SVOPL: variants seen among roughly 807,000 people sequenced by gnomAD.
SVOPL encodes the protein SVOP like.
In SVOPL, 60 loss-of-function variants were observed where a neutral mutation model predicts 61.0. That is an observed-to-expected ratio of 0.98 (90% confidence interval 0.80 to 1.22). The LOEUF is 1.22. Among genes scored for constraint, SVOPL ranks in the 50% most tolerant of loss-of-function variants. The pLI, the probability that SVOPL is intolerant of heterozygous loss-of-function variation, is 0.00. For missense variants in SVOPL, 662 were observed against 643.9 expected, an observed-to-expected ratio of 1.03 and a Z score of -0.30; for synonymous variants, 279 against 250.0, an observed-to-expected ratio of 1.12 and a Z score of -1.09.
intron 14 of SVOPL, among the ~76,000 whole-genome samples, chr7:138,597,632 T>A (rs1798332147): frequency 8.1e-6 from 1 of 123,766 alleles, no homozygotes; most frequent in Non-Finnish European, 1.8e-5. Context: ...GGAGTTTGTA[T>A]AACGTCTGCG....
intron 1 of SVOPL, among the ~76,000 whole-genome samples, chr7:138,680,571 TTGTGTGTGTGTGTG>T (rs60027714): frequency 6.8e-6 from 1 of 148,012 alleles, no homozygotes; most frequent in African/African-American, 2.5e-5. Context: ...ACACAGACTT[TTGTGTGTGTGTGTG>T]TGTGTGTGTG....
At chr7:138,683,794 C>G (rs1173685999) in intron 1 of SVOPL, among the ~76,000 whole-genome samples, 1 of 151,976 alleles carries the variant, frequency 6.6e-6, no homozygotes, top group Non-Finnish European at 1.5e-5. Context: ...TGGCTCATGT[C>G]TGTAATCCCA....
chr7:138,647,346 A>T (rs982235933), intron 8 of SVOPL, among the ~76,000 whole-genome samples: 1 of 152,044 alleles, frequency 6.6e-6, no homozygotes, highest in African/African-American at 2.4e-5. Flanking sequence ...GCACCATTGC[A>T]CTCCAGCCTG....
intron 14 of SVOPL, among the ~76,000 whole-genome samples, chr7:138,611,395 A>T (rs963403965): frequency 8.3e-6 from 1 of 121,098 alleles, no homozygotes; most frequent in African/African-American, 4.0e-5. Context: ...CCCAACCCCA[A>T]AACAAAACAA....
At chr7:138,692,817 T>C (rs73164694) in intron 1 of SVOPL, among the ~76,000 whole-genome samples, 4,647 of 152,232 alleles carry the variant, frequency 0.031, 84 homozygotes, top group Middle Eastern at 0.078. Context: ...ATAAAACATA[T>C]AAGACTTGAT....
chr7:138,679,221 C>T, intron 1 of SVOPL, 142 bp from the exon 2 acceptor site: 1 of 580,728 alleles, frequency 1.7e-6, no homozygotes, highest in Non-Finnish European at 3.0e-6. Context: ...TCTTTTCACA[C>T]CGGGCCTCTG....
At chr7:138,698,217 C>T (rs983412367) in intron 1 of SVOPL, among the ~76,000 whole-genome samples, 2 of 152,114 alleles carry the variant, frequency 1.3e-5, no homozygotes, top group South Asian at 2.1e-4. Context: ...CGAGATTAAA[C>T]TTACTCCATT....
chr7:138,604,957 T>A (rs991239266), intron 14 of SVOPL, among the ~76,000 whole-genome samples: 2 of 151,654 alleles, frequency 1.3e-5, no homozygotes, highest in African/African-American at 2.4e-5. Flanking sequence ...GGTGCATAAC[T>A]GTAATCCCAG....
chr7:138,648,544 A>T (rs1801246701), intron 8 of SVOPL, among the ~76,000 whole-genome samples: 1 of 139,686 alleles, frequency 7.2e-6, no homozygotes, highest in African/African-American at 2.7e-5. Context: ...AAAAAAAAAA[A>T]AAAAAAAAAA....
chr7:138,698,333 G>A (rs902171040), intron 1 of SVOPL, among the ~76,000 whole-genome samples: 1 of 152,152 alleles, frequency 6.6e-6, no homozygotes, highest in Non-Finnish European at 1.5e-5. Flanking sequence ...TACCTTGCTG[G>A]TGGCAGTGGC....
At chr7:138,644,872 G>A (rs1801018033) in intron 8 of SVOPL, 27 bp from the exon 9 acceptor site, 1 of 1,613,938 alleles carries the variant, frequency 6.2e-7, no homozygotes, top group South Asian at 1.1e-5. Flanking sequence ...AAGAACATCA[G>A]AGTGGCCACT....
intron 9 of SVOPL, among the ~76,000 whole-genome samples, chr7:138,633,465 A>G (rs1464722122): frequency 5.9e-5 from 9 of 152,122 alleles, no homozygotes; most frequent in South Asian, 2.1e-4. Context: ...CTCACCATGT[A>G]ACATGCCTGC....
chr7:138,698,241 T>C (rs1425422888), intron 1 of SVOPL, among the ~76,000 whole-genome samples: 1 of 152,170 alleles, frequency 6.6e-6, no homozygotes, highest in African/African-American at 2.4e-5. Context: ...TCTGCCTGCA[T>C]TTCCTCATCT....
chr7:138,637,435 T>TATATAG (rs1800523549), intron 9 of SVOPL, among the ~76,000 whole-genome samples: 1 of 94,686 alleles, frequency 1.1e-5, no homozygotes, highest in African/African-American at 6.9e-5. Flanking sequence ...CTCATATATA[T>TATATAG]ATATATAGAT....
intron 1 of SVOPL, chr7:138,689,320 T>C: frequency 1.9e-6 from 3 of 1,592,118 alleles, no homozygotes; most frequent in Non-Finnish European, 2.6e-6. Context: ...TCTCTGGTCA[T>C]TGAGCATATC....
rs2116717201 is a variant in SVOPL at position 138,594,540 on chromosome 7, A to T, written c.*70T>A. On this transcript the variant is annotated 3_prime_UTR_variant, in exon 16 of 16. Coordinates refer to ENST00000674285, the MANE Select transcript of SVOPL (RefSeq NM_001139456.2). ...GCATACAGAAGTAAAACCAAGTTTT[A>T]AAAAAATGCACCGCAGTTCTGAAGA... The T allele has an allele frequency of 2.0e-6, 3 of 1,485,130 alleles. No individual in the cohort carries two copies. Among genetic ancestry groups the T allele is most frequent in the East Asian group, 2.3e-5 (1 of 43,620 alleles). 92.0% of individuals were successfully genotyped at this position (1,485,130 alleles called of 1,614,324 possible). A position where few individuals can be genotyped will look rare whatever the true frequency, so the allele number is the denominator to read the frequency against.
In SVOPL at chr7:138,664,412, G is replaced by A. The variant is rs1295992662; in HGVS notation, c.274-1267C>T. Among the ~76,000 whole-genome samples the A allele has an allele frequency of 4.1e-5, 6 of 146,440 alleles. 1 individual carries two copies. Among genetic ancestry groups the A allele is most frequent in the Admixed American group, 4.1e-4 (6 of 14,786 alleles). ...CGGGCACGCCTCTGACCCATTGGGC[G>A]CGTGCCTAACCCTCTGGCACCCCGT... On this transcript the variant is annotated intron_variant, in intron 4 of 15. Coordinates refer to ENST00000674285, the MANE Select transcript of SVOPL (RefSeq NM_001139456.2).
chr7:138,648,503 C>G (rs1801238160), intron 8 of SVOPL, among the ~76,000 whole-genome samples: 1 of 135,090 alleles, frequency 7.4e-6, no homozygotes, highest in African/African-American at 2.8e-5. Context: ...AGATCGAGAC[C>G]ACGGTGAAAC....
rs774165578 is a variant in SVOPL, at chr7:138,627,425, C to G, written c.1106G>C (p.Gly369Ala). 1 of 1,613,746 alleles carries G rather than the reference C, an allele frequency of 6.2e-7. No individual in the cohort carries two copies. Among genetic ancestry groups the G allele is most frequent in the East Asian group, 2.2e-5 (1 of 44,880 alleles). ...PLNILGINFL[G>A]RRLSLSITMG... Reference sequence around the variant, plus strand: ...GGTAATAGAAAGGCTCAGCCGTCTTCCCAGGAAATTGATGCCCAGTATATT... The same window carrying G: ...GGTAATAGAAAGGCTCAGCCGTCTTGCCAGGAAATTGATGCCCAGTATATT... The change falls in exon 12 of 16, where the codon GGA becomes GCA. Residue 369 changes from glycine to alanine, a missense_variant. Coordinates refer to ENST00000674285, the MANE Select transcript of SVOPL (RefSeq NM_001139456.2).
Sources: allele counts gnomAD v4.1 joint callset (sites outside exome capture counted in the v4.1 genomes callset), GRCh38; gene constraint gnomAD v4.1.1; transcripts MANE v1.5; gene names NCBI Gene and HGNC (gene_info 2026-07-23, HGNC 2026-07-21).